Variants in PLA2R1 observed in about 807,000 individuals in gnomAD.
PLA2R1 encodes secretory phospholipase A2 receptor.
A neutral mutation model predicts 195.9 loss-of-function variants in PLA2R1; 158 were observed. The ratio of observed to expected loss-of-function variants is 0.81; its 90% CI spans 0.71 to 0.92. The LOEUF (loss-of-function observed/expected upper bound fraction) is 0.92. Ranked by LOEUF, PLA2R1 falls within the 40% of genes least tolerant of loss-of-function variation. PLA2R1 has a pLI of 0.00. For missense variants in PLA2R1, 1,626 were observed against 1,764.6 expected (o/e 0.92, Z 1.41); for synonymous variants, 586 against 598.2 (o/e 0.98, Z 0.30).
At chr2:159,979,944 T>A (rs1316527833) in intron 13 of PLA2R1, 30 bp from the exon 14 acceptor site, 1 of 1,355,000 alleles carries the variant, frequency 7.4e-7, no homozygotes, top group Non-Finnish European at 1.1e-6. Flanking sequence ...AAGCTTTGCC[T>A]TTCCCATCAA....
At chr2:159,949,221 G>A (rs1178850359) in intron 25 of PLA2R1, among the ~76,000 whole-genome samples, 1 of 151,898 alleles carries the variant, frequency 6.6e-6, no homozygotes, top group Non-Finnish European at 1.5e-5. Flanking sequence ...CCCAACATCG[G>A]CTTTGTCTTA....
At chr2:160,022,214 A>G (rs944553487) in intron 7 of PLA2R1, among the ~76,000 whole-genome samples, 1 of 152,214 alleles carries the variant, frequency 6.6e-6, no homozygotes, top group African/African-American at 2.4e-5. Flanking sequence ...TAAAATTCCT[A>G]TACATGGGGA....
intron 26 of PLA2R1, 25 bp from the exon 27 acceptor site, chr2:159,946,942 G>A (rs1371869086): frequency 1.1e-5 from 15 of 1,377,136 alleles, no homozygotes; most frequent in Non-Finnish European, 1.4e-5. Flanking sequence ...AGTAGCAAAG[G>A]AATATTTGTG....
intron 17 of PLA2R1, 42 bp downstream of exon 17, chr2:159,976,026 T>C (rs768713417): frequency 1.4e-6 from 2 of 1,480,588 alleles, no homozygotes; most frequent in African/African-American, 1.4e-5. Context: ...CAAAAGAAGG[T>C]GCTAAACTCT....
At chr2:160,020,393 G>C in intron 7 of PLA2R1, 130 bp from the exon 8 acceptor site, 1 of 635,626 alleles carries the variant, frequency 1.6e-6, no homozygotes, top group East Asian at 2.7e-5. Context: ...GATGAAATCT[G>C]TTTAAGTCTT....
chr2:160,028,404 G>A (rs757173179), intron 5 of PLA2R1, 43 bp from the exon 6 acceptor site: 2 of 1,447,792 alleles, frequency 1.4e-6, no homozygotes, highest in South Asian at 1.2e-5. Context: ...AGCAAAAGCA[G>A]TTAGTTTAAT....
intron 3 of PLA2R1, among the ~76,000 whole-genome samples, chr2:160,038,340 C>T (rs1243905546): frequency 6.6e-6 from 1 of 152,210 alleles, no homozygotes; most frequent in Non-Finnish European, 1.5e-5. Flanking sequence ...TGCTGGGCTG[C>T]ACTTCTAGAA....
rs747312613 is a variant in PLA2R1, at chr2:160,028,226, T to C, written c.1091A>G (p.Glu364Gly). The change falls in exon 6 of 30, where the codon GAA becomes GGA. Residue 364 changes from glutamate (E) to glycine (G), a missense_variant. Transcript: ENST00000283243. ...AAAATAAAAACGCTTACCAACTATT[T>C]CATGATCAATGTGGTTTAGATATTT... ...CKKYLNHIDHEIVEKDAWKYY... is the reference protein window; with the variant it reads ...CKKYLNHIDHGIVEKDAWKYY... 4 of 1,587,592 alleles carry C rather than the reference T, an allele frequency of 2.5e-6. No homozygotes were observed. Among genetic ancestry groups the C allele is most frequent in the Non-Finnish European group, 3.4e-6 (4 of 1,170,182 alleles).
intron 20 of PLA2R1, among the ~76,000 whole-genome samples, chr2:159,958,187 C>A (rs746247704): frequency 2.0e-5 from 3 of 152,088 alleles, no homozygotes; most frequent in Non-Finnish European, 4.4e-5. Context: ...GGACCATCCC[C>A]TAGGTGATCA....
At chr2:160,009,100 A>G (rs1027568741) in intron 10 of PLA2R1, among the ~76,000 whole-genome samples, 1 of 152,238 alleles carries the variant, frequency 6.6e-6, no homozygotes, top group Non-Finnish European at 1.5e-5. Context: ...TTTATGCACT[A>G]CTGGTGGGAA....
rs1366197082 is a variant in PLA2R1 at position 159,969,424 on chromosome 2, C to G, written c.2661-65G>C. The G allele has an allele frequency of 3.6e-6, 3 of 844,814 alleles. No individual in the cohort carries two copies. In the African/African-American group the frequency reaches 5.1e-5, roughly 14 times the overall value. The allele number at this position is 844,814 out of a possible 1,614,324, so 52.3% of individuals were successfully genotyped here. A position where few individuals can be genotyped will look rare whatever the true frequency, so the allele number is the denominator to read the frequency against. ...TGCATGTCCAGTCTCCAACATCATT[C>G]TTAGAGTTCTGAGGTAGGGATTGAA... On this transcript the variant is annotated intron_variant, in intron 18 of 29. Coordinates refer to ENST00000283243, the MANE Select transcript of PLA2R1 (RefSeq NM_007366.5).
In PLA2R1 at chr2:159,932,893, A is replaced by G. The variant is rs1339892364; in HGVS notation, c.*8885T>C. ...ATACATTGGATCTAATATAAATAAG[A>G]GACTTAATGGGAGAAACAGAAACAC... is the stretch of plus-strand genomic sequence containing the variant. On this transcript the variant is annotated 3_prime_UTR_variant, in exon 30 of 30. Coordinates refer to ENST00000283243, the MANE Select transcript of PLA2R1 (RefSeq NM_007366.5). 6.6e-6 allele frequency: 1 copy of G among 152,200 alleles called. No homozygotes were observed. Among genetic ancestry groups the G allele is most frequent in the East Asian group, 1.9e-4 (1 of 5,202 alleles). The allele number at this position is 152,200 out of a possible 1,614,324, so 9.4% of individuals were successfully genotyped here.
At chr2:159,969,828 C>A (rs1334103278) in intron 18 of PLA2R1, among the ~76,000 whole-genome samples, 7 of 152,136 alleles carry the variant, frequency 4.6e-5, no homozygotes, top group African/African-American at 1.4e-4. Flanking sequence ...CAGGTGTGAA[C>A]CACCGCGCCC....
At chr2:159,966,334 T>C (rs969756770) in intron 20 of PLA2R1, among the ~76,000 whole-genome samples, 1 of 152,166 alleles carries the variant, frequency 6.6e-6, no homozygotes, top group Non-Finnish European at 1.5e-5. Context: ...GTATCTAAAT[T>C]AGTCAATTTC....
intron 3 of PLA2R1, among the ~76,000 whole-genome samples, chr2:160,038,871 G>A (rs1366193752): frequency 3.9e-5 from 6 of 151,918 alleles, no homozygotes; most frequent in Non-Finnish European, 5.9e-5. Context: ...GGGCGGGAGC[G>A]GGGGCAGGCG....
intron 1 of PLA2R1, among the ~76,000 whole-genome samples, chr2:160,060,649 T>C (rs1305929981): frequency 6.6e-6 from 1 of 152,188 alleles, no homozygotes; most frequent in African/African-American, 2.4e-5. Flanking sequence ...AATTTCAGAG[T>C]GCCCTTGACT....
intron 22 of PLA2R1, 94 bp downstream of exon 22, chr2:159,955,604 A>G (rs1307958368): frequency 9.4e-6 from 5 of 531,724 alleles, no homozygotes; most frequent in Non-Finnish European, 1.2e-5. Flanking sequence ...ATTTATACCT[A>G]CAAAATATAG....
intron 10 of PLA2R1, among the ~76,000 whole-genome samples, chr2:160,007,086 A>G (rs1692034508): frequency 6.6e-6 from 1 of 152,262 alleles, no homozygotes; most frequent in Non-Finnish European, 1.5e-5. Context: ...AATAGCACAC[A>G]TTTGAAACAA....
rs537675291 is a variant in PLA2R1, at chr2:160,062,354, C to G, written c.50G>C (p.Arg17Pro). 1.9e-4 allele frequency: 293 copies of G among 1,536,866 alleles called. No homozygotes were observed. Among genetic ancestry groups the G allele is most frequent in the Non-Finnish European group, 2.5e-4 (285 of 1,141,310 alleles). The change falls in exon 1 of 30, where the codon CGG (arginine) becomes CCG (proline). Residue 17 changes from arginine to proline, a missense_variant. Coordinates refer to ENST00000283243, the MANE Select transcript of PLA2R1 (RefSeq NM_007366.5). Reference protein sequence around the residue: ...LLLLLLLGAPRGCAEGVAAAL... With the variant: ...LLLLLLLGAPPGCAEGVAAAL... ...CGCCGCCACACCCTCGGCGCAGCCC[C>G]GCGGCGCCCCCAGCAGCAGCAGCAG...
Sources: allele counts gnomAD v4.1 joint callset (sites outside exome capture counted in the v4.1 genomes callset), GRCh38; gene constraint gnomAD v4.1.1; transcripts MANE v1.5; gene names NCBI Gene and HGNC (gene_info 2026-07-23, HGNC 2026-07-21).